The following STK32C variants were observed in gnomAD, a reference collection of about 807,000 sequenced individuals.
STK32C encodes the protein serine/threonine kinase 32C, also known as serine/threonine-protein kinase 32C.
A neutral mutation model predicts 56.5 loss-of-function variants in STK32C; 31 were observed. The ratio of observed to expected loss-of-function variants is 0.55; its 90% CI spans 0.41 to 0.74. STK32C has a LOEUF of 0.74. STK32C is among the 30% of genes least tolerant of loss of function. The pLI is 0.00. For synonymous variants in STK32C, 309 were observed against 289.4 expected, an observed-to-expected ratio of 1.07 and a Z score of -0.69; for missense variants, 544 against 676.9, an observed-to-expected ratio of 0.80 and a Z score of 2.18.
intron 10 of STK32C, among the ~76,000 whole-genome samples, chr10:132,218,123 G>A (rs1041922128): frequency 4.6e-5 from 7 of 152,106 alleles, no homozygotes; most frequent in African/African-American, 1.4e-4. Context: ...AGACCAACCT[G>A]GACAACATAG....
chr10:132,331,438 C>G, exon 1 of STK32C: 1 of 1,609,674 alleles, frequency 6.2e-7, no homozygotes, highest in Admixed American at 1.7e-5. Flanking sequence ...ACACTCACTG[C>G]GTTTCCTCGC....
intron 2 of STK32C, among the ~76,000 whole-genome samples, chr10:132,238,780 T>TTC (rs1176056805): frequency 1.3e-5 from 2 of 151,994 alleles, no homozygotes; most frequent in Non-Finnish European, 2.9e-5. Flanking sequence ...GTGCAATGCA[T>TTC]GCACACACAC....
chr10:132,298,632 C>T (rs2492647), intron 1 of STK32C, among the ~76,000 whole-genome samples: 87,809 of 151,038 alleles, frequency 0.58, 28,147 homozygotes, highest in African/African-American at 0.87. Flanking sequence ...GTGGGGTCAC[C>T]GGGGAGTTGA....
chr10:132,226,103 G>C (rs1261416891), intron 4 of STK32C, among the ~76,000 whole-genome samples: 1 of 152,224 alleles, frequency 6.6e-6, no homozygotes, highest in African/African-American at 2.4e-5. Flanking sequence ...CCAAGACTCG[G>C]CCTCTAGGAG....
intron 2 of STK32C, among the ~76,000 whole-genome samples, chr10:132,240,331 G>A (rs932865212): frequency 3.9e-5 from 6 of 152,206 alleles, no homozygotes; most frequent in Admixed American, 6.5e-5. Flanking sequence ...GCTCAGCCAC[G>A]GTGTCACAGT....
rs374542507 is a variant in STK32C at position 132,330,314 on chromosome 10, GAA to G, written c.301+1120_301+1121del. 1.2e-3 allele frequency: 751 copies of G among 641,178 alleles called. 3 individuals carry two copies. In the African/African-American group the frequency reaches 0.012, roughly 10 times the overall value. 39.7% of individuals were successfully genotyped at this position (641,178 alleles called of 1,614,324 possible). ...AATGGTTAGTAAATGTTTTATTTGT[GAA>G]AAGAGATACTGGAATGCTGAAACTT... is the stretch of plus-strand genomic sequence containing the variant. On this transcript the variant is annotated intron_variant, in intron 1 of 1. Transcript: ENST00000368619.
intron 2 of STK32C, among the ~76,000 whole-genome samples, chr10:132,240,371 C>T (rs1240867835): frequency 1.3e-5 from 2 of 152,348 alleles, no homozygotes; most frequent in East Asian, 1.9e-4. Flanking sequence ...CTACAGCAGC[C>T]GCTGGCGGGT....
intron 2 of STK32C, among the ~76,000 whole-genome samples, chr10:132,238,169 C>A (rs1232765773): frequency 2.6e-5 from 4 of 152,086 alleles, no homozygotes; most frequent in Non-Finnish European, 5.9e-5. Flanking sequence ...TCCTTGGGAC[C>A]GAGGCAGCTT....
upstream of STK32C, chr10:132,331,871 G>T: frequency 7.8e-7 from 1 of 1,280,370 alleles, no homozygotes; most frequent in Non-Finnish European, 1.1e-6. Flanking sequence ...CCGCGTGCGT[G>T]CGCAGGCGCA....
chr10:132,215,062 A>G (rs1037035409), intron 10 of STK32C, among the ~76,000 whole-genome samples: 2 of 152,242 alleles, frequency 1.3e-5, no homozygotes, highest in African/African-American at 4.8e-5. Context: ...TCTGTTACCC[A>G]GACTGGAGTG....
rs142199791 is a variant in STK32C, at chr10:132,245,679, G to A, written c.318+221C>T. On this transcript the variant is annotated intron_variant, in intron 2 of 11. Transcript: ENST00000298630. ...CCTCCTGGTGGCTCCTGGACGCTGC[G>A]GAGTTGGTGACACCATGGGGCCCAG... is the stretch of plus-strand genomic sequence containing the variant. Among the ~76,000 whole-genome samples, 81 of 152,346 alleles carry A rather than the reference G, an allele frequency of 5.3e-4. 1 individual carries two copies. In the East Asian group the frequency reaches 0.014, roughly 26 times the overall value.
chr10:132,273,589 G>GGTTACTGAATGAATGAAGGA lies in STK32C; in HGVS notation c.263-27635_263-27634insTCCTTCATTCATTCAGTAAC, dbSNP rs1554875025. Among the ~76,000 whole-genome samples the GGTTACTGAATGAATGAAGGA allele has an allele frequency of 1.0e-3, 153 of 152,124 alleles. 1 individual carries two copies. Among genetic ancestry groups the GGTTACTGAATGAATGAAGGA allele is most frequent in the Middle Eastern group, 6.8e-3 (2 of 294 alleles). ...ACACATGGTGAGTGAATGAATACAT[G>GGTTACTGAATGAATGAAGGA]GTTACTGAATGAGTGAAGGAGTTAC... On this transcript the variant is annotated intron_variant, in intron 1 of 11. Transcript: ENST00000298630.
At chr10:132,328,069 C>T (rs1000434109) in intron 1 of STK32C, among the ~76,000 whole-genome samples, 32 of 152,168 alleles carry the variant, frequency 2.1e-4, no homozygotes, top group Non-Finnish European at 2.1e-4. Context: ...CTAGACAGAG[C>T]CCATTTACCA....
chr10:132,226,797 G>A lies in STK32C; in HGVS notation c.642C>T (p.His214=). Residue 214 remains histidine (H), a splice_region_variant and synonymous_variant, in exon 4 of 12, where the codon CAC becomes CAT. Transcript: ENST00000298630. The stretch of plus-strand genomic sequence containing the variant: ...TGCGCCGTCTGCCACGCACACACCT[G>A]TGGATGATGTGCTGGCCGCGCAGGT... ...LDYLRGQHII[H]RDVKPDNILL... The A allele has an allele frequency of 6.2e-7, 1 of 1,612,586 alleles. No individual in the cohort carries two copies. Among genetic ancestry groups the A allele is most frequent in the Non-Finnish European group, 8.5e-7 (1 of 1,179,980 alleles).
chr10:132,307,936 GC>G lies in STK32C; in HGVS notation c.-104del. 9.4e-7 allele frequency: 1 copy of G among 1,068,800 alleles called. No individual in the cohort carries two copies. The highest frequency in any genetic ancestry group is 2.6e-5 in the South Asian group (1 of 39,138). 66.2% of individuals were successfully genotyped at this position (1,068,800 alleles called of 1,614,324 possible). On this transcript the variant is annotated 5_prime_UTR_variant, in exon 1 of 12. Coordinates refer to ENST00000298630, the MANE Select transcript of STK32C (RefSeq NM_173575.4). The surrounding 1 kb of genome is among the most constrained non-coding windows in gnomAD (Gnocchi z 4.4). ...GGAGCGCTCGGGGCCGGCAGCGCCC[GC>G]CGTGCGCTCTTCTGGGCGGTGGAAC...
At chr10:132,303,078 G>C (rs971926618) in intron 1 of STK32C, among the ~76,000 whole-genome samples, 6 of 152,230 alleles carry the variant, frequency 3.9e-5, no homozygotes, top group Non-Finnish European at 7.3e-5. Context: ...GCAGCAGCCA[G>C]CGTGGAAACG....
chr10:132,230,679 C>CGGGGGGGGGGG (rs377544275), intron 2 of STK32C, among the ~76,000 whole-genome samples: 4 of 49,680 alleles, frequency 8.1e-5, no homozygotes, highest in South Asian at 8.5e-4. Flanking sequence ...GGGAAGCTGG[C>CGGGGGGGGGGG]GGGGGGGGGG....
intron 1 of STK32C, among the ~76,000 whole-genome samples, chr10:132,328,821 G>A (rs1233322932): frequency 6.6e-6 from 1 of 152,258 alleles, no homozygotes; most frequent in African/African-American, 2.4e-5. Context: ...TGGAGACGAG[G>A]ACAGCCTTCG....
At chr10:132,210,691 CCCG>C (rs1590125631) in intron 10 of STK32C, among the ~76,000 whole-genome samples, 1 of 152,254 alleles carries the variant, frequency 6.6e-6, no homozygotes, top group Non-Finnish European at 1.5e-5. Flanking sequence ...CTCGGACGTG[CCCG>C]CCAAGATAAA....
Sources: allele counts gnomAD v4.1 joint callset (sites outside exome capture counted in the v4.1 genomes callset), GRCh38; gene constraint gnomAD v4.1.1; non-coding constraint Gnocchi (gnomAD v3.1); transcripts MANE v1.5; gene names NCBI Gene and HGNC (gene_info 2026-07-23, HGNC 2026-07-21).